SGCD: variants seen among roughly 807,000 people sequenced by gnomAD.
SGCD encodes delta-sarcoglycan.
In SGCD, 18 loss-of-function variants were observed where a neutral mutation model predicts 36.6. That is an observed-to-expected ratio of 0.49 (90% CI 0.34 to 0.73). SGCD has a LOEUF of 0.73. SGCD is among the 30% of genes least tolerant of loss of function. The pLI, the probability that SGCD is intolerant of heterozygous loss-of-function variation, is 0.01. For missense variants in SGCD, 387 were observed against 346.7 expected, an observed-to-expected ratio of 1.12 and a Z score of -0.92; for synonymous variants, 133 against 130.6, an observed-to-expected ratio of 1.02 and a Z score of -0.12.
chr5:156,721,704 G>C lies in SGCD; in HGVS notation c.576-35877G>C, dbSNP rs532562082. ...GAGGCTAGCAAGATGGTATGCTCAA[G>C]TGGGGAAGAGAAGACCCAGAGTGTG... On this transcript the variant is annotated intron_variant, in intron 7 of 8. Transcript: ENST00000337851. 3.9e-5 allele frequency among the ~76,000 whole-genome samples: 6 copies of C among 152,314 alleles called. No homozygotes were observed. The South Asian group carries it at 1.2e-3, about 32-fold the overall frequency.
chr5:155,812,487 G>A, the SGCD span, among the ~76,000 whole-genome samples: 21 of 152,186 alleles, frequency 1.4e-4, no homozygotes, highest in Non-Finnish European at 2.2e-4. Flanking sequence ...TTCAGTAGCA[G>A]TAGTTTCAGG....
At position 156,474,468 on chromosome 5, in the gene SGCD, C is replaced by T. The variant is rs1357913821; in HGVS notation, c.193-34133C>T. Among the ~76,000 whole-genome samples, 3 of 152,182 alleles carry T rather than the reference C, an allele frequency of 2.0e-5. No individual in the cohort carries two copies. In the East Asian group the frequency reaches 5.8e-4, roughly 29 times the overall value. On this transcript the variant is annotated intron_variant, in intron 3 of 8. Coordinates refer to ENST00000337851, the MANE Select transcript of SGCD (RefSeq NM_000337.6). ...TACTGACTCCTTAGCGCTTCTATAG[C>T]AGCTTGTCTCATTTCTTTGACAAAG... is the stretch of plus-strand genomic sequence containing the variant.
In SGCD at chr5:156,060,960, C is replaced by G. The variant is rs977985103; in HGVS notation, c.-281-56918C>G. Among the ~76,000 whole-genome samples the G allele has an allele frequency of 2.8e-5, 4 of 145,348 alleles. 1 individual carries two copies. Among genetic ancestry groups the G allele is most frequent in the East Asian group, 1.9e-4 (1 of 5,178 alleles). On this transcript the variant is annotated intron_variant, in intron 1 of 9. Transcript: ENST00000517913. ...TCATTTTAACATCCCCAGTTCCTATCACCGTGGTCAGCGGAATCCCTCTGT... is the reference window on the plus strand; with the variant it reads ...TCATTTTAACATCCCCAGTTCCTATGACCGTGGTCAGCGGAATCCCTCTGT...
At chr5:156,629,429 A>T (rs1056813799) in intron 6 of SGCD, among the ~76,000 whole-genome samples, 2 of 152,218 alleles carry the variant, frequency 1.3e-5, no homozygotes, top group Non-Finnish European at 2.9e-5. Context: ...ATGGAAAAAA[A>T]TCCCCCCAGG....
chr5:156,334,399 A>G (rs763727275), intron 2 of SGCD, among the ~76,000 whole-genome samples: 6 of 152,206 alleles, frequency 3.9e-5, no homozygotes, highest in African/African-American at 1.4e-4. Context: ...TTGCTGCCCA[A>G]GGGCATTCAG....
chr5:156,218,622 T>A (rs1480968460), intron 3 of SGCD, among the ~76,000 whole-genome samples: 2 of 152,174 alleles, frequency 1.3e-5, no homozygotes, highest in Non-Finnish European at 2.9e-5. Flanking sequence ...CTGAATTTTG[T>A]GTGAGAAAGG....
chr5:156,322,438 G>C (rs1767694218), upstream of SGCD, among the ~76,000 whole-genome samples: 1 of 152,150 alleles, frequency 6.6e-6, no homozygotes, highest in Non-Finnish European at 1.5e-5. Context: ...GGGGAAAGCA[G>C]GCTGGGTCTC....
intron 3 of SGCD, among the ~76,000 whole-genome samples, chr5:156,470,964 T>G (rs901124712): frequency 3.3e-5 from 5 of 151,946 alleles, no homozygotes; most frequent in African/African-American, 9.7e-5. Context: ...TCCCTAAGCC[T>G]TCTTTTTTTT....
intron 1 of SGCD, among the ~76,000 whole-genome samples, chr5:155,996,906 T>TAGATAGATAGATAGAC (rs1472624095): frequency 3.7e-4 from 53 of 142,024 alleles, no homozygotes; most frequent in African/African-American, 1.1e-3. Context: ...GATAGATAGA[T>TAGATAGATAGATAGAC]AGACAGACAG....
the SGCD span, among the ~76,000 whole-genome samples, chr5:155,769,155 G>A: frequency 6.6e-6 from 1 of 151,968 alleles, no homozygotes; most frequent in Non-Finnish European, 1.5e-5. Context: ...ATGTAAAGAA[G>A]TGAATTAGAG....
At chr5:155,991,110 A>G (rs1432983136) in intron 1 of SGCD, among the ~76,000 whole-genome samples, 2 of 152,166 alleles carry the variant, frequency 1.3e-5, no homozygotes, top group African/African-American at 2.4e-5. Context: ...GACATTTCTC[A>G]AGTCAGTGAG....
chr5:156,305,592 C>T (rs1215791864), intron 3 of SGCD, among the ~76,000 whole-genome samples: 2 of 152,204 alleles, frequency 1.3e-5, no homozygotes, highest in African/African-American at 4.8e-5. Context: ...AGCCCCCACA[C>T]AGAGGCCCTA....
At chr5:156,614,702 AC>A (rs1297214317) in intron 6 of SGCD, among the ~76,000 whole-genome samples, 1 of 152,174 alleles carries the variant, frequency 6.6e-6, no homozygotes, top group African/African-American at 2.4e-5. Flanking sequence ...TTTTCAGATG[AC>A]CCCTAAATCT....
intron 3 of SGCD, among the ~76,000 whole-genome samples, chr5:156,250,685 G>A (rs1193738126): frequency 6.6e-6 from 1 of 152,196 alleles, no homozygotes; most frequent in African/African-American, 2.4e-5. Context: ...TCCCTTTAAG[G>A]AAGACTCTGT....
the SGCD span, among the ~76,000 whole-genome samples, chr5:155,768,328 TTGTGTGGCTTC>T: frequency 7.9e-5 from 12 of 151,974 alleles, no homozygotes; most frequent in East Asian, 2.3e-3. Flanking sequence ...AATAGTTTTG[TTGTGTGGCTTC>T]TCATTTACCC....
chr5:156,497,866 G>A (rs1270665851), intron 3 of SGCD, among the ~76,000 whole-genome samples: 1 of 152,080 alleles, frequency 6.6e-6, no homozygotes, highest in Non-Finnish European at 1.5e-5. Context: ...CCTTGCTGTT[G>A]GGTTAATCAT....
At chr5:156,179,865 C>G (rs1340802940) in intron 3 of SGCD, among the ~76,000 whole-genome samples, 1 of 152,178 alleles carries the variant, frequency 6.6e-6, no homozygotes, top group African/African-American at 2.4e-5. Context: ...CTCAAGTGAT[C>G]TACCTGCCTG....
At chr5:156,646,775 A>G (rs1318789210) in intron 6 of SGCD, among the ~76,000 whole-genome samples, 3 of 152,216 alleles carry the variant, frequency 2.0e-5, no homozygotes, top group Non-Finnish European at 1.5e-5. Context: ...GAGCAGACAA[A>G]TCAGATAATT....
chr5:155,802,576 GTTA>G, the SGCD span, among the ~76,000 whole-genome samples: 4 of 152,180 alleles, frequency 2.6e-5, no homozygotes, highest in South Asian at 2.1e-4. Context: ...TACAGACACA[GTTA>G]TTATTGCTTT....
Sources: gnomAD v4.1 joint callset for allele counts (sites outside exome capture counted in the v4.1 genomes callset) on GRCh38, gnomAD v4.1.1 for gene constraint, MANE v1.5 for transcripts, NCBI Gene and HGNC (gene_info 2026-07-23, HGNC 2026-07-21) for gene names.